RASSF8: variants seen among roughly 807,000 people sequenced by gnomAD.
RASSF8 encodes Ras association domain family member 8.
A neutral mutation model predicts 48.5 loss-of-function variants in RASSF8; 22 were observed. That is an observed-to-expected ratio of 0.45 (90% CI 0.32 to 0.65). RASSF8 has a LOEUF of 0.65. Ranked by LOEUF, RASSF8 falls within the 30% of genes least tolerant of loss-of-function variation. The pLI is 0.03. For synonymous variants in RASSF8, 127 were observed against 171.5 expected (o/e 0.74, Z 2.03); for missense variants, 418 against 489.2 (o/e 0.85, Z 1.37).
chr12:25,989,521 C>T (rs1159507654), intron 1 of RASSF8, among the ~76,000 whole-genome samples: 2 of 152,112 alleles, frequency 1.3e-5, no homozygotes, highest in East Asian at 3.8e-4. Context: ...AAGTGTTATC[C>T]AGGAGAAGGA....
intron 2 of RASSF8, among the ~76,000 whole-genome samples, chr12:26,031,428 T>C (rs751402527): frequency 4.6e-5 from 7 of 152,192 alleles, no homozygotes; most frequent in Non-Finnish European, 1.0e-4. Context: ...GAAATCAGTG[T>C]AGAGTTCTTG....
Position 25,995,049 on chromosome 12 carries a change from A to T in RASSF8, c.-190A>T, listed in dbSNP as rs958137447. On this transcript the variant is annotated 5_prime_UTR_variant, in exon 2 of 6. Coordinates refer to ENST00000689635, the MANE Select transcript of RASSF8 (RefSeq NM_001394098.1). ...TGTACCTTTGCAGGTGCCTGTGTAG[A>T]TCATCCTAGAATACCTGTGTGGTGC... 1 of 152,200 alleles carries T rather than the reference A, an allele frequency of 6.6e-6. No homozygotes were observed. The highest frequency in any genetic ancestry group is 2.4e-5 in the African/African-American group (1 of 41,426). 9.4% of individuals were successfully genotyped at this position (152,200 alleles called of 1,614,324 possible).
chr12:26,057,922 T>C lies in RASSF8; in HGVS notation c.103+2476T>C, dbSNP rs1214141011. Among the ~76,000 whole-genome samples, 2 of 152,228 alleles carry C rather than the reference T, an allele frequency of 1.3e-5. 1 individual carries two copies. The highest frequency in any genetic ancestry group is 4.1e-4 in the South Asian group (2 of 4,834). ...CATGTGTCTGTTGGCTGCATAAATGTCTTCTTTTGAGAAGTGTCTGTTCAT... is the reference window on the plus strand; with the variant it reads ...CATGTGTCTGTTGGCTGCATAAATGCCTTCTTTTGAGAAGTGTCTGTTCAT... On this transcript the variant is annotated intron_variant, in intron 3 of 5. Transcript: ENST00000689635.
chr12:26,075,981 A>G (rs958466022), downstream of RASSF8, among the ~76,000 whole-genome samples: 6 of 152,160 alleles, frequency 3.9e-5, no homozygotes, highest in African/African-American at 1.4e-4. Flanking sequence ...GGGCCACACC[A>G]TCCCAGCCCA....
chr12:26,005,051 G>A (rs1565614313), intron 2 of RASSF8, among the ~76,000 whole-genome samples: 1 of 152,022 alleles, frequency 6.6e-6, no homozygotes, highest in East Asian at 1.9e-4. Flanking sequence ...CTTTCTCATT[G>A]TTTTTCCTCT....
intron 5 of RASSF8, 116 bp downstream of exon 5, chr12:26,067,829 T>C: frequency 1.1e-5 from 14 of 1,320,968 alleles, no homozygotes; most frequent in Non-Finnish European, 1.5e-5. Context: ...CCAGGGGTAT[T>C]ACCACGGCTT....
Position 26,055,937 on chromosome 12 carries a change from G to T in RASSF8, c.103+491G>T, listed in dbSNP as rs542780678. ...ATGGTGGCTCACGCCTGTAATCCCA[G>T]CACTTTGGGAGGCTGAGGCAGGCAG... is the stretch of plus-strand genomic sequence containing the variant. On this transcript the variant is annotated intron_variant, in intron 3 of 5. Transcript: ENST00000689635. Among the ~76,000 whole-genome samples the T allele has an allele frequency of 3.3e-5, 5 of 152,340 alleles. No homozygotes were observed. In the East Asian group the frequency reaches 9.6e-4, roughly 29 times the overall value.
At chr12:26,049,385 T>A (rs1043260116) in intron 2 of RASSF8, among the ~76,000 whole-genome samples, 8 of 152,244 alleles carry the variant, frequency 5.3e-5, no homozygotes, top group Non-Finnish European at 1.2e-4. Context: ...AAAGATTTTG[T>A]TTTTCCTTGA....
chr12:26,026,074 A>G (rs1942906298), intron 2 of RASSF8, among the ~76,000 whole-genome samples: 1 of 152,196 alleles, frequency 6.6e-6, no homozygotes, highest in East Asian at 1.9e-4. Context: ...CCTGAATTAA[A>G]TAGTAGTTGC....
Position 26,064,574 on chromosome 12 carries a change from CAT to C in RASSF8, c.183_184del (p.Ser62LeufsTer9). The C allele has an allele frequency of 6.2e-7, 1 of 1,613,894 alleles. No individual in the cohort carries two copies. The highest frequency in any genetic ancestry group is 8.5e-7 in the Non-Finnish European group (1 of 1,179,894). On this transcript the variant is annotated frameshift_variant, in exon 4 of 6. Coordinates refer to ENST00000689635, the MANE Select transcript of RASSF8 (RefSeq NM_001394098.1). LOFTEE classifies it high-confidence loss of function. ...RHLAPHENPI[I>X]SLNKWGQYAS... ...ACTTAGCACCTCATGAAAATCCTATCATATCCTTAAACAAATGGGGGCAGTAT... is the reference window on the plus strand; with the variant it reads ...ACTTAGCACCTCATGAAAATCCTATCATCCTTAAACAAATGGGGGCAGTAT...
intron 2 of RASSF8, among the ~76,000 whole-genome samples, chr12:26,030,262 A>G (rs139146983): frequency 6.6e-6 from 1 of 152,288 alleles, no homozygotes; most frequent in East Asian, 1.9e-4. Flanking sequence ...TCAGGAGAAA[A>G]TAAAAACTCA....
chr12:25,962,908 G>C (rs1941270014), intron 1 of RASSF8, among the ~76,000 whole-genome samples: 1 of 152,132 alleles, frequency 6.6e-6, no homozygotes, highest in African/African-American at 2.4e-5. Context: ...AATAAATTGA[G>C]ACACCTTTTA....
chr12:26,015,961 T>C (rs942952983), intron 2 of RASSF8, among the ~76,000 whole-genome samples: 8 of 152,284 alleles, frequency 5.3e-5, no homozygotes, highest in African/African-American at 1.9e-4. Flanking sequence ...TACTTTCAAG[T>C]GCTTGTGGCC....
At chr12:26,007,874 A>G (rs776757335) in intron 2 of RASSF8, among the ~76,000 whole-genome samples, 2 of 152,226 alleles carry the variant, frequency 1.3e-5, no homozygotes, top group Non-Finnish European at 1.5e-5. Flanking sequence ...TAAACCTCAC[A>G]TCTGTGTAAG....
intron 2 of RASSF8, among the ~76,000 whole-genome samples, chr12:26,026,269 A>T (rs1942910737): frequency 1.3e-5 from 2 of 152,240 alleles, no homozygotes; most frequent in African/African-American, 4.8e-5. Context: ...CATCGTAAAA[A>T]AGACAAATAG....
chr12:26,073,843 C>CAT (rs1361724788), downstream of RASSF8, among the ~76,000 whole-genome samples: 6 of 132,610 alleles, frequency 4.5e-5, no homozygotes, highest in Admixed American at 5.1e-4. Context: ...CACACACACA[C>CAT]ACACACATAT....
chr12:26,000,025 G>T (rs572433087), intron 2 of RASSF8, among the ~76,000 whole-genome samples: 1 of 152,180 alleles, frequency 6.6e-6, no homozygotes, highest in African/African-American at 2.4e-5. Context: ...ATAACTCCAA[G>T]CAAAATCTCA....
At chr12:26,042,381 A>G (rs1315790632) in intron 2 of RASSF8, among the ~76,000 whole-genome samples, 1 of 152,242 alleles carries the variant, frequency 6.6e-6, no homozygotes, top group Admixed American at 6.5e-5. Context: ...ATAAACCAGA[A>G]TCTGAAAATG....
intron 2 of RASSF8, among the ~76,000 whole-genome samples, chr12:26,004,099 C>T (rs1489558994): frequency 6.6e-6 from 1 of 152,150 alleles, no homozygotes; most frequent in East Asian, 1.9e-4. Flanking sequence ...ATTGTTTGAG[C>T]CTGGGAGGTC....
Sources: gnomAD v4.1 joint callset for allele counts (sites outside exome capture counted in the v4.1 genomes callset) on GRCh38, gnomAD v4.1.1 for gene constraint, MANE v1.5 for transcripts, NCBI Gene and HGNC (gene_info 2026-07-23, HGNC 2026-07-21) for gene names.